FLAD1: variants seen among roughly 807,000 people sequenced by gnomAD.
FLAD1 encodes flavin adenine dinucleotide synthetase 1.
A neutral mutation model predicts 55.0 loss-of-function variants in FLAD1; 35 were observed. That is an observed-to-expected ratio of 0.64 (90% CI 0.49 to 0.84). The LOEUF is 0.84. Ranked by LOEUF, FLAD1 falls within the 40% of genes least tolerant of loss-of-function variation. The pLI, the probability that FLAD1 is intolerant of heterozygous loss-of-function variation, is 0.00. For missense variants in FLAD1, 665 were observed against 742.6 expected (o/e 0.90, Z 1.21); for synonymous variants, 267 against 303.0 (o/e 0.88, Z 1.23).
Position 154,988,160 on chromosome 1 carries a change from G to A in FLAD1, c.428G>A (p.Gly143Glu), listed in dbSNP as rs1191193670. The A allele has an allele frequency of 1.9e-6, 3 of 1,614,180 alleles. No homozygotes were observed. The highest frequency in any genetic ancestry group is 2.2e-5 in the South Asian group (2 of 91,084). ...CTGTGCCGGACACTGCGCTCCCTAGGGGTCCAGGTTTGCCGAGTCTCAGTT... is the reference window on the plus strand; with the variant it reads ...CTGTGCCGGACACTGCGCTCCCTAGAGGTCCAGGTTTGCCGAGTCTCAGTT... ...FFLCRTLRSL[G>E]VQVCRVSVVP... is the part of the protein sequence containing the mutation. Residue 143 changes from glycine to glutamate, a missense_variant, in exon 2 of 7, where the codon GGG becomes GAG. Gly to Glu is a moderately conservative substitution (Grantham distance 98, BLOSUM62 -2). Transcript: ENST00000292180.
At chr1:154,985,218 GTGTTTTTTT>G (rs1258685141) in intron 1 of FLAD1, among the ~76,000 whole-genome samples, 10 of 143,654 alleles carry the variant, frequency 7.0e-5, no homozygotes, top group Admixed American at 1.4e-4. Context: ...TTGTAAATTT[GTGTTTTTTT>G]TGTTTTTTTT....
chr1:154,988,286 A>T lies in FLAD1; in HGVS notation c.554A>T (p.Asp185Val), dbSNP rs1261326694. ...GGGGGCATCGGCCCCACTCATGATGATGTGACCTTTGAGGCAGTGGCACAG... is the reference window on the plus strand; with the variant it reads ...GGGGGCATCGGCCCCACTCATGATGTTGTGACCTTTGAGGCAGTGGCACAG... ...TAGGIGPTHD[D>V]VTFEAVAQAF... Residue 185 changes from aspartate to valine, a missense_variant, in exon 2 of 7, where the codon GAT becomes GTT. Asp to Val is a radical substitution (Grantham distance 152, BLOSUM62 -3). Coordinates refer to ENST00000292180, the MANE Select transcript of FLAD1 (RefSeq NM_025207.5). 3 of 1,614,150 alleles carry T rather than the reference A, an allele frequency of 1.9e-6. No individual in the cohort carries two copies. Among genetic ancestry groups the T allele is most frequent in the Middle Eastern group, 1.6e-4 (1 of 6,062 alleles).
At chr1:154,990,763 T>C in intron 5 of FLAD1, 1 of 417,130 alleles carries the variant, frequency 2.4e-6, no homozygotes, top group Non-Finnish European at 4.2e-6. Flanking sequence ...CTTAGACTTG[T>C]GCTGTCCAAT....
At chr1:154,988,029 G>C in intron 1 of FLAD1, 76 bp from the exon 2 acceptor site, 1 of 1,610,164 alleles carries the variant, frequency 6.2e-7, no homozygotes, top group Non-Finnish European at 8.5e-7. Flanking sequence ...TCATCAGGTG[G>C]ATGCAGCCAT....
rs754335564 is a variant in FLAD1 at position 154,983,667 on chromosome 1, T to G, written c.-28T>G. ...TCAAGAGAGAAGAAGTTTTTAAGAC[T>G]AGAGCTAAGCAAGACATTTAAAAGG... On this transcript the variant is annotated 5_prime_UTR_variant, in exon 1 of 7. Transcript: ENST00000292180. The G allele has an allele frequency of 1.9e-6, 3 of 1,580,546 alleles. No individual in the cohort carries two copies. The African/African-American group carries it at 4.1e-5, about 21-fold the overall frequency.
intron 3 of FLAD1, 90 bp downstream of exon 3, chr1:154,989,797 G>A (rs1657784587): frequency 1.5e-6 from 2 of 1,362,268 alleles, no homozygotes; most frequent in Admixed American, 4.9e-5. Context: ...TACAGGTGGA[G>A]TTCAAGAGGG....
At chr1:154,988,078 G>A (rs1205750126) in intron 1 of FLAD1, 27 bp from the exon 2 acceptor site, 1 of 1,614,042 alleles carries the variant, frequency 6.2e-7, no homozygotes, top group South Asian at 1.1e-5. Flanking sequence ...CAGTACTGAT[G>A]GCCTCATCTT....
intron 5 of FLAD1, among the ~76,000 whole-genome samples, chr1:154,991,410 C>T (rs1178552330): frequency 2.0e-5 from 3 of 150,690 alleles, no homozygotes; most frequent in East Asian, 2.0e-4. Flanking sequence ...CAAAAATTAG[C>T]GGAGCGTGGT....
rs1162863337 is a variant in FLAD1 at position 154,990,542 on chromosome 1, G to A, written c.1554+14G>A. On this transcript the variant is annotated intron_variant, in intron 5 of 6. Coordinates refer to ENST00000292180, the MANE Select transcript of FLAD1 (RefSeq NM_025207.5). ...AACCCACTGCTGGTAATGGGGAAGAGGGTTTATCACCTTCAGTCTCACGTG... is the reference window on the plus strand; with the variant it reads ...AACCCACTGCTGGTAATGGGGAAGAAGGTTTATCACCTTCAGTCTCACGTG... 1 of 1,581,334 alleles carries A rather than the reference G, an allele frequency of 6.3e-7. No individual in the cohort carries two copies. Among genetic ancestry groups the A allele is most frequent in the South Asian group, 1.1e-5 (1 of 87,918 alleles).
Position 154,993,075 on chromosome 1 carries a change from G to T in FLAD1, c.*38G>T. On this transcript the variant is annotated 3_prime_UTR_variant, in exon 7 of 7. Coordinates refer to ENST00000292180, the MANE Select transcript of FLAD1 (RefSeq NM_025207.5). ...GGAGGGAGGGAAGGACACCGTCCTA[G>T]GGTATAACCTGGCAATAAACCGTGC... is the stretch of plus-strand genomic sequence containing the variant. The T allele has an allele frequency of 6.3e-7, 1 of 1,594,730 alleles. No individual in the cohort carries two copies. Among genetic ancestry groups the T allele is most frequent in the Non-Finnish European group, 8.6e-7 (1 of 1,163,478 alleles).
rs763542723 is a variant in FLAD1 at position 154,984,032 on chromosome 1, C to T, written c.338C>T (p.Ala113Val). The change falls in exon 1 of 7, where the codon GCT (alanine) becomes GTT (valine). Residue 113 changes from alanine (A) to valine (V), a missense_variant. By Grantham distance (64) the Ala-to-Val change is moderately conservative. Coordinates refer to ENST00000292180, the MANE Select transcript of FLAD1 (RefSeq NM_025207.5). ...SELSPGRSVT[A>V]GIIIVGDEIL... ...CTTTCTCCGGGGCGCAGCGTGACGGCTGGCATCATCATTGTTGGAGATGAG... is the reference window on the plus strand; with the variant it reads ...CTTTCTCCGGGGCGCAGCGTGACGGTTGGCATCATCATTGTTGGAGATGAG... 1.3e-6 allele frequency: 2 copies of T among 1,512,732 alleles called. No individual in the cohort carries two copies. Among genetic ancestry groups the T allele is most frequent in the South Asian group, 1.3e-5 (1 of 74,770 alleles). 93.7% of individuals were successfully genotyped at this position (1,512,732 alleles called of 1,614,324 possible).
At position 154,983,491 on chromosome 1, in the gene FLAD1, G is replaced by T; in HGVS notation, c.-204G>T. On this transcript the variant is annotated 5_prime_UTR_variant, in exon 1 of 7. Coordinates refer to ENST00000292180, the MANE Select transcript of FLAD1 (RefSeq NM_025207.5). ...GCAGAAGCCTGAAGTAGAAAGAGAC[G>T]GGATTTTGGTCCGGGGTGGAGAGCG... The T allele has an allele frequency of 2.0e-6, 1 of 497,040 alleles. No homozygotes were observed. Among genetic ancestry groups the T allele is most frequent in the Non-Finnish European group, 3.6e-6 (1 of 279,664 alleles). 30.8% of individuals were successfully genotyped at this position (497,040 alleles called of 1,614,324 possible).
chr1:154,991,225 A>ATATATAT (rs61257175), intron 5 of FLAD1: 2 of 83,168 alleles, frequency 2.4e-5, no homozygotes, highest in African/African-American at 1.1e-4. Flanking sequence ...AAAAAAAAAA[A>ATATATAT]ATATATATAT....
At chr1:154,992,174 GT>G (rs1369362559) in intron 5 of FLAD1, among the ~76,000 whole-genome samples, 5 of 145,962 alleles carry the variant, frequency 3.4e-5, no homozygotes, top group African/African-American at 1.3e-4. Context: ...GCCGGGCATG[GT>G]GGCACACGCC....
chr1:154,984,009 T>G lies in FLAD1; in HGVS notation c.315T>G (p.Leu105=). The change falls in exon 1 of 7, where the codon CTT becomes CTG. Residue 105 remains leucine (L), a synonymous_variant. Coordinates refer to ENST00000292180, the MANE Select transcript of FLAD1 (RefSeq NM_025207.5). ...CCATGACATCTAGGGCCTCTGAACT[T>G]TCTCCGGGGCGCAGCGTGACGGCTG... is the stretch of plus-strand genomic sequence containing the variant. ...GRTMTSRASE[L]SPGRSVTAGI... is the part of the protein sequence containing the mutation. 1 of 1,516,332 alleles carries G rather than the reference T, an allele frequency of 6.6e-7. No individual in the cohort carries two copies. The highest frequency in any genetic ancestry group is 8.8e-7 in the Non-Finnish European group (1 of 1,131,776). 93.9% of individuals were successfully genotyped at this position (1,516,332 alleles called of 1,614,324 possible).
chr1:154,987,267 G>T (rs557261359), intron 1 of FLAD1, among the ~76,000 whole-genome samples: 5 of 151,682 alleles, frequency 3.3e-5, no homozygotes, highest in Non-Finnish European at 5.9e-5. Flanking sequence ...GAGCTCAAGC[G>T]AGCCACCCCA....
In FLAD1 at chr1:154,983,683, A is replaced by G. The variant is rs746176239; in HGVS notation, c.-12A>G. 1.2e-5 allele frequency: 19 copies of G among 1,600,662 alleles called. No individual in the cohort carries two copies. Among genetic ancestry groups the G allele is most frequent in the South Asian group, 3.3e-5 (3 of 90,368 alleles). ...TTTTAAGACTAGAGCTAAGCAAGAC[A>G]TTTAAAAGGACATGGGTTGGGATTT... On this transcript the variant is annotated 5_prime_UTR_variant, in exon 1 of 7. Coordinates refer to ENST00000292180, the MANE Select transcript of FLAD1 (RefSeq NM_025207.5).
intron 1 of FLAD1, 26 bp from the exon 2 acceptor site, chr1:154,988,079 G>C (rs753948492): frequency 1.9e-6 from 3 of 1,614,080 alleles, no homozygotes; most frequent in Non-Finnish European, 2.5e-6. Flanking sequence ...AGTACTGATG[G>C]CCTCATCTTC....
chr1:154,992,589 T>G, intron 5 of FLAD1, 124 bp from the exon 6 acceptor site: 2 of 1,613,850 alleles, frequency 1.2e-6, no homozygotes, highest in South Asian at 2.2e-5. Context: ...GAGAATCAGA[T>G]AGCAAGCCCT....
Sources: gnomAD v4.1 joint callset for allele counts (sites outside exome capture counted in the v4.1 genomes callset) on GRCh38, gnomAD v4.1.1 for gene constraint, MANE v1.5 for transcripts, NCBI Gene and HGNC (gene_info 2026-07-23, HGNC 2026-07-21) for gene names.